B3GAT2: variants seen among roughly 807,000 people sequenced by gnomAD.
B3GAT2 encodes galactosylgalactosylxylosylprotein 3-beta-glucuronosyltransferase 2.
In B3GAT2, 26 loss-of-function variants were observed where a neutral mutation model predicts 27.8. The ratio of observed to expected loss-of-function variants is 0.93; its 90% confidence interval spans 0.68 to 1.30. B3GAT2 has a LOEUF of 1.30. Ranked by LOEUF, B3GAT2 falls within the 50% of genes most tolerant of loss-of-function variation. The pLI, the probability that B3GAT2 is intolerant of heterozygous loss-of-function variation, is 0.00. For synonymous variants in B3GAT2, 218 were observed against 195.1 expected (o/e 1.12, Z -0.98); for missense variants, 458 against 459.0 (o/e 1.00, Z 0.02).
At chr6:70,862,963 AT>A (rs527351165) in intron 2 of B3GAT2, among the ~76,000 whole-genome samples, 182 of 152,298 alleles carry the variant, frequency 1.2e-3, no homozygotes, top group African/African-American at 4.3e-3. Flanking sequence ...GGGCAACAGA[AT>A]GAGGCCCTGT....
At chr6:70,953,374 C>A (rs1430891179) in intron 1 of B3GAT2, among the ~76,000 whole-genome samples, 1 of 152,134 alleles carries the variant, frequency 6.6e-6, no homozygotes, top group Non-Finnish European at 1.5e-5. Context: ...CTGGAAAATG[C>A]ACAAGACTAA....
At chr6:70,950,314 T>G (rs961855729) in intron 1 of B3GAT2, among the ~76,000 whole-genome samples, 1 of 150,792 alleles carries the variant, frequency 6.6e-6, no homozygotes, top group Non-Finnish European at 1.5e-5. Flanking sequence ...TATTTTTCAA[T>G]GTAATACATT....
chr6:70,919,202 G>C (rs1398836127), intron 1 of B3GAT2, among the ~76,000 whole-genome samples: 1 of 152,108 alleles, frequency 6.6e-6, no homozygotes, highest in Admixed American at 6.6e-5. Flanking sequence ...ATTGAAGCTT[G>C]TGTATGTTTC....
At chr6:70,953,187 A>C (rs1179631309) in intron 1 of B3GAT2, among the ~76,000 whole-genome samples, 1 of 152,228 alleles carries the variant, frequency 6.6e-6, no homozygotes, top group African/African-American at 2.4e-5. Context: ...TCAGCCCTAT[A>C]GCATTCCTAA....
chr6:70,904,633 GA>G (rs1167296250), intron 1 of B3GAT2, among the ~76,000 whole-genome samples: 5 of 152,270 alleles, frequency 3.3e-5, no homozygotes, highest in African/African-American at 1.2e-4. Context: ...CAAGTTCAAT[GA>G]AGACAGAAGC....
chr6:70,929,020 C>T (rs1459062634), intron 1 of B3GAT2, among the ~76,000 whole-genome samples: 4 of 152,164 alleles, frequency 2.6e-5, no homozygotes, highest in African/African-American at 9.7e-5. Flanking sequence ...CCATGGAATA[C>T]TATGCAGCCA....
intron 1 of B3GAT2, among the ~76,000 whole-genome samples, chr6:70,917,155 A>G (rs913586353): frequency 6.6e-6 from 1 of 152,010 alleles, no homozygotes; most frequent in Admixed American, 6.6e-5. Context: ...GAATTTTTCC[A>G]TTTCTTCTAG....
At chr6:70,940,592 T>A (rs1030171083) in intron 1 of B3GAT2, among the ~76,000 whole-genome samples, 1 of 152,152 alleles carries the variant, frequency 6.6e-6, no homozygotes, top group Non-Finnish European at 1.5e-5. Context: ...AGTAACTATG[T>A]CCTAGGTCCA....
At chr6:70,890,209 C>T (rs1055743018) in intron 2 of B3GAT2, among the ~76,000 whole-genome samples, 11 of 152,126 alleles carry the variant, frequency 7.2e-5, no homozygotes, top group Non-Finnish European at 1.6e-4. Context: ...CCAGTGACCT[C>T]GCCACTGTCC....
chr6:70,861,600 T>G lies in B3GAT2; in HGVS notation c.*63A>C. 6.7e-7 allele frequency: 1 copy of G among 1,482,862 alleles called. No homozygotes were observed. The highest frequency in any genetic ancestry group is 1.2e-5 in the South Asian group (1 of 83,612). 91.9% of individuals were successfully genotyped at this position (1,482,862 alleles called of 1,614,324 possible). Reference sequence around the variant, plus strand: ...TACCTGAATGCTCTGTAGCCTAAACTCCAAACATCCTCTTCCATATGGATC... The same window carrying G: ...TACCTGAATGCTCTGTAGCCTAAACGCCAAACATCCTCTTCCATATGGATC... On this transcript the variant is annotated 3_prime_UTR_variant, in exon 4 of 4. Coordinates refer to ENST00000230053, the MANE Select transcript of B3GAT2 (RefSeq NM_080742.3).
intron 1 of B3GAT2, among the ~76,000 whole-genome samples, chr6:70,940,089 G>A (rs1391446677): frequency 6.6e-6 from 1 of 151,892 alleles, no homozygotes; most frequent in Non-Finnish European, 1.5e-5. Context: ...AAGGAACAAG[G>A]AAAGCAGCCA....
intron 1 of B3GAT2, among the ~76,000 whole-genome samples, chr6:70,924,650 AAGG>A (rs1437193604): frequency 6.6e-6 from 1 of 152,174 alleles, no homozygotes; most frequent in Non-Finnish European, 1.5e-5. Context: ...TATGACAGTG[AAGG>A]AGATCTGATC....
At chr6:70,954,315 T>C (rs536077508) in intron 1 of B3GAT2, among the ~76,000 whole-genome samples, 22 of 152,258 alleles carry the variant, frequency 1.4e-4, no homozygotes, top group African/African-American at 4.8e-4. Context: ...AGGACCATAC[T>C]ATACAATGCC....
chr6:70,932,743 C>T (rs539239267), intron 1 of B3GAT2, among the ~76,000 whole-genome samples: 2 of 152,322 alleles, frequency 1.3e-5, no homozygotes, highest in South Asian at 2.1e-4. Flanking sequence ...TTTCTCCTCA[C>T]TGCTTTTCTT....
chr6:70,950,015 G>A (rs1407716901), intron 1 of B3GAT2, among the ~76,000 whole-genome samples: 3 of 151,264 alleles, frequency 2.0e-5, no homozygotes, highest in Admixed American at 6.6e-5. Flanking sequence ...GAGAACACAT[G>A]GACACAGGAA....
chr6:70,920,177 A>T (rs770462014), intron 1 of B3GAT2, among the ~76,000 whole-genome samples: 1 of 152,210 alleles, frequency 6.6e-6, no homozygotes, highest in Non-Finnish European at 1.5e-5. Flanking sequence ...GGTCGATCTC[A>T]GACTGCTGTG....
chr6:70,952,514 C>T (rs1021502357), intron 1 of B3GAT2, among the ~76,000 whole-genome samples: 19 of 152,086 alleles, frequency 1.2e-4, no homozygotes, highest in African/African-American at 4.6e-4. Flanking sequence ...AATAAAGTCA[C>T]ATTTATCTGT....
At chr6:70,920,947 G>A (rs543356247) in intron 1 of B3GAT2, among the ~76,000 whole-genome samples, 14 of 152,200 alleles carry the variant, frequency 9.2e-5, no homozygotes, top group African/African-American at 3.1e-4. Context: ...GCTGAACATA[G>A]GTCTCCAAAT....
chr6:70,863,875 A>C (rs753458167), intron 2 of B3GAT2, among the ~76,000 whole-genome samples: 5 of 152,158 alleles, frequency 3.3e-5, no homozygotes, highest in Admixed American at 6.5e-5. Context: ...GGACACCTAC[A>C]TGTGATAGCA....
Sources: allele counts gnomAD v4.1 joint callset (sites outside exome capture counted in the v4.1 genomes callset), GRCh38; gene constraint gnomAD v4.1.1; transcripts MANE v1.5; gene names NCBI Gene and HGNC (gene_info 2026-07-23, HGNC 2026-07-21).